PARP8: variants seen among roughly 807,000 people sequenced by gnomAD.
PARP8 encodes the protein protein mono-ADP-ribosyltransferase PARP8.
A neutral mutation model predicts 124.1 loss-of-function variants in PARP8; 51 were observed. The ratio of observed to expected loss-of-function variants is 0.41; its 90% confidence interval spans 0.33 to 0.52. PARP8 has a LOEUF of 0.52. Ranked by LOEUF, PARP8 falls within the 20% of genes least tolerant of loss-of-function variation. The probability of loss-of-function intolerance (pLI) is 0.21; values close to 1 mark genes in which losing one functional copy is unlikely to be tolerated. For synonymous variants in PARP8, 391 were observed against 361.5 expected (o/e 1.08, Z -0.93); for missense variants, 860 against 1,018.9 (o/e 0.84, Z 2.12).
intron 7 of PARP8, among the ~76,000 whole-genome samples, chr5:50,770,770 C>A (rs188949102): frequency 6.6e-5 from 10 of 152,156 alleles, no homozygotes. Flanking sequence ...GCGGCAGAGA[C>A]TGTATGTAGC....
chr5:50,769,970 A>G (rs1471638997), intron 7 of PARP8, among the ~76,000 whole-genome samples: 1 of 152,084 alleles, frequency 6.6e-6, no homozygotes, highest in Non-Finnish European at 1.5e-5. Flanking sequence ...TTTACACACA[A>G]TTTAGAGTTG....
At chr5:50,827,871 A>G in intron 19 of PARP8, 73 bp from the exon 20 acceptor site, 1 of 1,130,686 alleles carries the variant, frequency 8.8e-7, no homozygotes, top group Non-Finnish European at 1.3e-6. Flanking sequence ...AACCAATAAA[A>G]TTTGAAATTG....
intron 1 of PARP8, chr5:50,667,421 G>A (rs1046813569): frequency 4.3e-6 from 3 of 702,048 alleles, no homozygotes; most frequent in East Asian, 2.7e-5. Context: ...GGCAGAGCCC[G>A]CGTGGCCGGA....
At chr5:50,819,203 G>A (rs1745460824) in intron 15 of PARP8, among the ~76,000 whole-genome samples, 1 of 151,982 alleles carries the variant, frequency 6.6e-6, no homozygotes, top group Non-Finnish European at 1.5e-5. Context: ...AGTTAGGCTA[G>A]GACATATATT....
intron 3 of PARP8, among the ~76,000 whole-genome samples, chr5:50,755,229 G>A (rs1017309810): frequency 2.0e-5 from 3 of 152,028 alleles, no homozygotes; most frequent in African/African-American, 7.3e-5. Context: ...CATTGCTTTT[G>A]GTGTTTTAGA....
intron 3 of PARP8, among the ~76,000 whole-genome samples, chr5:50,754,496 C>G (rs562420462): frequency 0.067 from 10,155 of 151,992 alleles, 376 homozygotes; most frequent in Middle Eastern, 0.11. Context: ...ATCCATGTCC[C>G]TACAAAGGAC....
intron 14 of PARP8, among the ~76,000 whole-genome samples, chr5:50,803,998 G>T (rs904853593): frequency 6.6e-6 from 1 of 152,128 alleles, no homozygotes; most frequent in Non-Finnish European, 1.5e-5. Flanking sequence ...AGATCAGCCA[G>T]AGGTGAGATT....
At chr5:50,763,378 C>A (rs1307248325) in intron 7 of PARP8, 136 bp downstream of exon 7, 2 of 612,588 alleles carry the variant, frequency 3.3e-6, no homozygotes, top group South Asian at 4.3e-5. Context: ...TACTGTTTAT[C>A]CTTACACAAA....
chr5:50,831,136 CT>C (rs1452442878), intron 22 of PARP8, among the ~76,000 whole-genome samples: 16 of 151,710 alleles, frequency 1.1e-4, no homozygotes, highest in Admixed American at 3.9e-4. Context: ...GGAAAGAAAA[CT>C]TTAAAAAATG....
At chr5:50,816,127 C>G (rs1345758752) in intron 15 of PARP8, among the ~76,000 whole-genome samples, 3 of 152,078 alleles carry the variant, frequency 2.0e-5, no homozygotes, top group Middle Eastern at 3.4e-3. Context: ...ATATGCAGTG[C>G]TATAACGTTT....
At chr5:50,831,603 C>G (rs1324689188) in intron 22 of PARP8, among the ~76,000 whole-genome samples, 1 of 151,932 alleles carries the variant, frequency 6.6e-6, no homozygotes, top group Non-Finnish European at 1.5e-5. Flanking sequence ...TAAAACAGTA[C>G]AAAATAAAAA....
chr5:50,671,362 A>G (rs1026011810), intron 2 of PARP8, among the ~76,000 whole-genome samples: 1 of 152,186 alleles, frequency 6.6e-6, no homozygotes, highest in Non-Finnish European at 1.5e-5. Context: ...GTGGTTACCA[A>G]AGCCAAGGAG....
chr5:50,731,248 C>A (rs1580127666), intron 2 of PARP8, among the ~76,000 whole-genome samples: 1 of 152,090 alleles, frequency 6.6e-6, no homozygotes, highest in African/African-American at 2.4e-5. Flanking sequence ...ACATTTTTTT[C>A]CAAATTTCCA....
chr5:50,681,952 G>A lies in PARP8; in HGVS notation c.146+13827G>A, dbSNP rs145194507. Among the ~76,000 whole-genome samples the A allele has an allele frequency of 3.5e-4, 54 of 152,248 alleles. 1 individual carries two copies. In the East Asian group the frequency reaches 7.1e-3, roughly 20 times the overall value. Reference sequence around the variant, plus strand: ...GATGACACAAAAGACCTGAGAGAACGTAGGAATGTATAGAACATCCAAAAT... The same window carrying A: ...GATGACACAAAAGACCTGAGAGAACATAGGAATGTATAGAACATCCAAAAT... On this transcript the variant is annotated intron_variant, in intron 2 of 25. Coordinates refer to ENST00000281631, the MANE Select transcript of PARP8 (RefSeq NM_024615.4).
intron 2 of PARP8, among the ~76,000 whole-genome samples, chr5:50,689,038 T>A (rs893793152): frequency 6.7e-6 from 1 of 150,180 alleles, no homozygotes; most frequent in East Asian, 1.9e-4. Flanking sequence ...TTTGATTTTT[T>A]TTTTTTTTTT....
chr5:50,762,377 C>T (rs1760634184), intron 6 of PARP8, among the ~76,000 whole-genome samples: 1 of 151,978 alleles, frequency 6.6e-6, no homozygotes, highest in African/African-American at 2.4e-5. Context: ...TATGAAGAAT[C>T]ATCATAATTT....
intron 2 of PARP8, among the ~76,000 whole-genome samples, chr5:50,685,906 C>T (rs1253306503): frequency 6.6e-6 from 1 of 152,196 alleles, no homozygotes; most frequent in Non-Finnish European, 1.5e-5. Flanking sequence ...GATTCAATTA[C>T]TTCCCACTGG....
chr5:50,753,045 G>C (rs1337857542), intron 3 of PARP8, among the ~76,000 whole-genome samples: 1 of 151,950 alleles, frequency 6.6e-6, no homozygotes, highest in East Asian at 1.9e-4. Flanking sequence ...TAAATGATAT[G>C]TTGACTGTTC....
intron 14 of PARP8, among the ~76,000 whole-genome samples, chr5:50,810,591 C>T (rs1744329853): frequency 6.6e-6 from 1 of 151,940 alleles, no homozygotes; most frequent in Non-Finnish European, 1.5e-5. Flanking sequence ...ATAAGATGTT[C>T]CTTCTGTGAG....
Sources: allele counts gnomAD v4.1 joint callset (sites outside exome capture counted in the v4.1 genomes callset), GRCh38; gene constraint gnomAD v4.1.1; transcripts MANE v1.5; gene names NCBI Gene and HGNC (gene_info 2026-07-23, HGNC 2026-07-21).